The following EDARADD variants were observed in gnomAD, a reference collection of about 807,000 sequenced individuals.
The protein encoded by EDARADD is EDAR associated via death domain.
In EDARADD, 20 loss-of-function variants were observed where a neutral mutation model predicts 25.6. The observed-to-expected ratio is 0.78, with a 90% confidence interval of 0.55 to 1.14. The LOEUF (loss-of-function observed/expected upper bound fraction) is 1.14. Ranked by LOEUF, EDARADD falls within the 50% of genes most tolerant of loss-of-function variation. EDARADD has a pLI of 0.00. For missense variants in EDARADD, 225 were observed against 270.1 expected, an observed-to-expected ratio of 0.83 and a Z score of 1.17; for synonymous variants, 86 against 94.4, an observed-to-expected ratio of 0.91 and a Z score of 0.52.
chr1:236,447,174 T>C (rs143347698), intron 4 of EDARADD, among the ~76,000 whole-genome samples: 2 of 74,550 alleles, frequency 2.7e-5, no homozygotes, highest in East Asian at 9.9e-4. Context: ...CCCTCCCTCT[T>C]TCTTTCTTTC....
At chr1:236,381,450 A>T (rs960101640) in intron 3 of EDARADD, among the ~76,000 whole-genome samples, 5 of 152,076 alleles carry the variant, frequency 3.3e-5, no homozygotes, top group Non-Finnish European at 1.5e-5. Context: ...CGTTTATCAT[A>T]TACATCTTTA....
chr1:236,474,962 G>T (rs976609477), intron 5 of EDARADD, among the ~76,000 whole-genome samples: 10 of 152,042 alleles, frequency 6.6e-5, no homozygotes, highest in African/African-American at 2.4e-4. Context: ...GTGAAACCTC[G>T]TCTCTATTAA....
At position 236,389,187 on chromosome 1, in the gene EDARADD, C is replaced by T. The variant is rs1035304785; in HGVS notation, c.-5-20029C>T. Reference sequence around the variant, plus strand: ...GGTGTGGGAGCACCCATGATCAAGGCACCAGGAACACCTGCAAGGTTGTGA... The same window carrying T: ...GGTGTGGGAGCACCCATGATCAAGGTACCAGGAACACCTGCAAGGTTGTGA... On this transcript the variant is annotated intron_variant, in intron 3 of 7. Coordinates refer to the EDARADD transcript ENST00000439430. Among the ~76,000 whole-genome samples, 6 of 152,286 alleles carry T rather than the reference C, an allele frequency of 3.9e-5. No homozygotes were observed. The South Asian group carries it at 1.2e-3, about 32-fold the overall frequency.
rs1158027340 is a variant in EDARADD, at chr1:236,394,341, A to G, written c.-104A>G. 23 of 1,256,692 alleles carry G rather than the reference A, an allele frequency of 1.8e-5. No homozygotes were observed. The highest frequency in any genetic ancestry group is 2.0e-4 in the Middle Eastern group (1 of 4,996). 77.8% of individuals were successfully genotyped at this position (1,256,692 alleles called of 1,614,324 possible). ...CAAATTCCCCAGAGAGCTTTCATCT[A>G]GAAGGTTTGACTCTGGCCAGACAAC... On this transcript the variant is annotated 5_prime_UTR_variant, in exon 1 of 6. Transcript: ENST00000334232.
intron 3 of EDARADD, among the ~76,000 whole-genome samples, chr1:236,355,477 C>T (rs1006059047): frequency 1.2e-4 from 18 of 148,378 alleles, no homozygotes; most frequent in African/African-American, 4.2e-4. Context: ...TTCCCATCCA[C>T]TCATTCTCTT....
intron 3 of EDARADD, among the ~76,000 whole-genome samples, chr1:236,417,300 C>A (rs1358791430): frequency 2.0e-5 from 3 of 152,200 alleles, no homozygotes. Context: ...CTAGAAGCAT[C>A]ATTTGTAATT....
intron 3 of EDARADD, among the ~76,000 whole-genome samples, chr1:236,387,456 T>G (rs1667371671): frequency 2.6e-5 from 1 of 38,658 alleles, no homozygotes. Flanking sequence ...TACTGGGAAG[T>G]GAGGAGCCCC....
intron 3 of EDARADD, among the ~76,000 whole-genome samples, chr1:236,426,108 A>G (rs1404458822): frequency 6.6e-6 from 1 of 152,006 alleles, no homozygotes; most frequent in Non-Finnish European, 1.5e-5. Flanking sequence ...CAGCCTCCCA[A>G]GTAGCTGGGA....
chr1:236,422,633 G>A (rs937974621), intron 3 of EDARADD, among the ~76,000 whole-genome samples: 1 of 152,204 alleles, frequency 6.6e-6, no homozygotes, highest in Non-Finnish European at 1.5e-5. Flanking sequence ...TATGATGGGG[G>A]TGATGTCATC....
intron 4 of EDARADD, among the ~76,000 whole-genome samples, chr1:236,436,025 C>A (rs1361965798): frequency 6.6e-6 from 1 of 152,074 alleles, no homozygotes; most frequent in African/African-American, 2.4e-5. Context: ...AAACCTCAGC[C>A]AGGCATGGTG....
chr1:236,460,555 A>G (rs1250326481), intron 4 of EDARADD, among the ~76,000 whole-genome samples: 1 of 152,182 alleles, frequency 6.6e-6, no homozygotes, highest in Non-Finnish European at 1.5e-5. Flanking sequence ...ACATTTTTAT[A>G]CGGACTTATA....
At chr1:236,431,509 A>G (rs1358791000) in intron 4 of EDARADD, among the ~76,000 whole-genome samples, 3 of 152,254 alleles carry the variant, frequency 2.0e-5, no homozygotes, top group Non-Finnish European at 2.9e-5. Flanking sequence ...CCCATCTACT[A>G]GAACTATTCA....
chr1:236,427,519 A>G lies in EDARADD; in HGVS notation c.219+69A>G, dbSNP rs1216088885. 11 of 1,403,772 alleles carry G rather than the reference A, an allele frequency of 7.8e-6. No individual in the cohort carries two copies. In the African/African-American group the frequency reaches 1.0e-4, roughly 13 times the overall value. The allele number at this position is 1,403,772 out of a possible 1,614,324, so 87.0% of individuals were successfully genotyped here. A position where few individuals can be genotyped will look rare whatever the true frequency, so the allele number is the denominator to read the frequency against. On this transcript the variant is annotated intron_variant, in intron 4 of 5. Transcript: ENST00000334232. The stretch of plus-strand genomic sequence containing the variant: ...ATCCACCTAAAATTTTTTGAGATTT[A>G]TAGAGTTTTACAAATAAAAAATGAA...
chr1:236,464,518 C>T lies in EDARADD; in HGVS notation c.220-3713C>T, dbSNP rs370399313. Among the ~76,000 whole-genome samples, 37 of 147,392 alleles carry T rather than the reference C, an allele frequency of 2.5e-4. 1 individual carries two copies. The South Asian group carries it at 7.2e-3, about 29-fold the overall frequency. On this transcript the variant is annotated intron_variant, in intron 4 of 5. Coordinates refer to ENST00000334232, the MANE Select transcript of EDARADD (RefSeq NM_145861.4). ...TGTGATCTCGGCTCAATGCAACCTCCGCCTCCCGGGTTCAGGTGATTCTCC... is the reference window on the plus strand; with the variant it reads ...TGTGATCTCGGCTCAATGCAACCTCTGCCTCCCGGGTTCAGGTGATTCTCC...
intron 4 of EDARADD, among the ~76,000 whole-genome samples, chr1:236,452,383 T>C (rs1658736664): frequency 6.6e-6 from 1 of 152,188 alleles, no homozygotes; most frequent in Non-Finnish European, 1.5e-5. Context: ...CCATGTGTCT[T>C]AGGAGGGAGC....
Position 236,385,089 on chromosome 1 carries a change from C to CTTTTTT in EDARADD, c.-5-24115_-5-24110dup, listed in dbSNP as rs34509027. On this transcript the variant is annotated intron_variant, in intron 3 of 7. Transcript: ENST00000439430. Reference sequence around the variant, plus strand: ...GATTTTTATTCTATGCCTTTTGATTCTTTTTTTTTTTTTTTTTGCCTTAAG... The same window carrying CTTTTTT: ...GATTTTTATTCTATGCCTTTTGATTCTTTTTTTTTTTTTTTTTTTTTTTGCCTTAAG... 4.1e-3 allele frequency among the ~76,000 whole-genome samples: 499 copies of CTTTTTT among 121,912 alleles called. 22 individuals are homozygous for CTTTTTT. Among genetic ancestry groups the CTTTTTT allele is most frequent in the African/African-American group, 0.016 (462 of 29,722 alleles). The allele number at this position is 121,912 out of a possible 152,430, so 80.0% of individuals were successfully genotyped here.
At chr1:236,451,928 C>G (rs1351892831) in intron 4 of EDARADD, among the ~76,000 whole-genome samples, 3 of 152,180 alleles carry the variant, frequency 2.0e-5, no homozygotes, top group African/African-American at 7.2e-5. Flanking sequence ...CCCAGGAATA[C>G]ACCTTGCACC....
upstream of EDARADD, among the ~76,000 whole-genome samples, chr1:236,391,386 C>T (rs1667424498): frequency 6.6e-6 from 1 of 152,156 alleles, no homozygotes; most frequent in African/African-American, 2.4e-5. Flanking sequence ...CTGTCTGTTC[C>T]AAAAATGCAG....
upstream of EDARADD, among the ~76,000 whole-genome samples, chr1:236,393,391 C>CTTTTTT (rs761525038): frequency 4.1e-3 from 355 of 87,190 alleles, 12 homozygotes; most frequent in East Asian, 0.01. Flanking sequence ...TTCTTTCTTT[C>CTTTTTT]TTTTTTTTTT....
Sources: gnomAD v4.1 joint callset for allele counts (sites outside exome capture counted in the v4.1 genomes callset) on GRCh38, gnomAD v4.1.1 for gene constraint, MANE v1.5 for transcripts, NCBI Gene and HGNC (gene_info 2026-07-23, HGNC 2026-07-21) for gene names.